Variants in SHC4 observed in about 807,000 individuals in gnomAD.
The protein encoded by SHC4 is SHC-transforming protein 4.
A neutral mutation model predicts 69.4 loss-of-function variants in SHC4; 41 were observed. The ratio of observed to expected loss-of-function variants is 0.59; its 90% CI spans 0.46 to 0.77. SHC4 has a LOEUF of 0.77. Among genes scored for constraint, SHC4 ranks in the 30% least tolerant of loss-of-function variants. The pLI is 0.00. For synonymous variants in SHC4, 318 were observed against 299.3 expected, an observed-to-expected ratio of 1.06 and a Z score of -0.64; for missense variants, 777 against 783.8, an observed-to-expected ratio of 0.99 and a Z score of 0.10.
intron 1 of SHC4, among the ~76,000 whole-genome samples, chr15:48,938,943 C>T (rs1267470100): frequency 1.3e-5 from 2 of 152,186 alleles, no homozygotes; most frequent in Non-Finnish European, 2.9e-5. Context: ...GGACAAATAA[C>T]TTTAATTCTC....
At chr15:48,834,675 T>C in intron 11 of SHC4, 94 bp downstream of exon 11, 1 of 1,525,378 alleles carries the variant, frequency 6.6e-7, no homozygotes, top group Non-Finnish European at 8.9e-7. Context: ...ATACTTAGCC[T>C]TGAGCACTAT....
intron 1 of SHC4, among the ~76,000 whole-genome samples, chr15:48,934,434 C>A (rs187420082): frequency 3.4e-4 from 51 of 152,180 alleles, no homozygotes; most frequent in African/African-American, 1.2e-3. Flanking sequence ...TACAAACCAG[C>A]AAACTGAAAA....
intron 9 of SHC4, among the ~76,000 whole-genome samples, chr15:48,849,427 T>A (rs1049174711): frequency 3.3e-5 from 5 of 152,208 alleles, no homozygotes; most frequent in Admixed American, 2.0e-4. Flanking sequence ...GAAACACTCT[T>A]CATATTTGTA....
intron 1 of SHC4, among the ~76,000 whole-genome samples, chr15:48,961,600 A>G (rs546709986): frequency 3.9e-4 from 59 of 152,338 alleles, no homozygotes; most frequent in African/African-American, 1.4e-3. Flanking sequence ...CCCCATGTGA[A>G]TGAATCCCAG....
intron 8 of SHC4, among the ~76,000 whole-genome samples, chr15:48,853,131 G>T (rs1300052833): frequency 6.6e-6 from 1 of 151,748 alleles, no homozygotes; most frequent in African/African-American, 2.4e-5. Flanking sequence ...CTTCAATAAA[G>T]TTTCGGGACA....
rs1175637916 is a variant in SHC4, at chr15:48,878,556, C to T, written c.840+5692G>A. 1.2e-6 allele frequency: 2 copies of T among 1,614,074 alleles called. No homozygotes were observed. The highest frequency in any genetic ancestry group is 1.7e-6 in the Non-Finnish European group (2 of 1,179,910). On this transcript the variant is annotated intron_variant, in intron 4 of 11. Transcript: ENST00000332408. ...GGTGCCGGCTACAGAGTATCAGCCG[C>T]TCTTGAAGAAGCCGACAAGATGTTT...
At chr15:48,909,458 A>C (rs1015900172) in intron 2 of SHC4, among the ~76,000 whole-genome samples, 1 of 152,126 alleles carries the variant, frequency 6.6e-6, no homozygotes, top group Non-Finnish European at 1.5e-5. Context: ...AGGAGTCTTT[A>C]AGGTTTTCAA....
intron 1 of SHC4, among the ~76,000 whole-genome samples, chr15:48,931,038 C>T (rs977334636): frequency 9.8e-5 from 15 of 152,336 alleles, no homozygotes; most frequent in Non-Finnish European, 1.9e-4. Context: ...CTACCGCTGT[C>T]GACCTTTACT....
chr15:48,878,586 G>T, intron 4 of SHC4: 1 of 1,614,064 alleles, frequency 6.2e-7, no homozygotes, highest in Non-Finnish European at 8.5e-7. Context: ...ATGTTTCTGA[G>T]AACAAGAGAA....
chr15:48,851,679 C>A (rs1221386564), intron 8 of SHC4, among the ~76,000 whole-genome samples: 1 of 152,208 alleles, frequency 6.6e-6, no homozygotes, highest in African/African-American at 2.4e-5. Flanking sequence ...TCACGTCTCA[C>A]CCTTGAAAAT....
intron 2 of SHC4, among the ~76,000 whole-genome samples, chr15:48,919,786 C>G (rs1900708797): frequency 6.6e-6 from 1 of 152,100 alleles, no homozygotes; most frequent in African/African-American, 2.4e-5. Flanking sequence ...AAGTAAAAGA[C>G]CATCACACTC....
At chr15:48,926,701 G>T (rs186970365) in intron 1 of SHC4, among the ~76,000 whole-genome samples, 12 of 152,088 alleles carry the variant, frequency 7.9e-5, no homozygotes, top group Non-Finnish European at 1.2e-4. Flanking sequence ...GACCTTAAGC[G>T]ATCTGCCCAC....
intron 1 of SHC4, among the ~76,000 whole-genome samples, chr15:48,958,272 G>A (rs1901486498): frequency 6.6e-6 from 1 of 152,196 alleles, no homozygotes; most frequent in Non-Finnish European, 1.5e-5. Flanking sequence ...TCTCATCTAC[G>A]CTACTCCATT....
chr15:48,885,658 C>T (rs1378510214), intron 3 of SHC4, among the ~76,000 whole-genome samples: 1 of 152,192 alleles, frequency 6.6e-6, no homozygotes, highest in Non-Finnish European at 1.5e-5. Flanking sequence ...ATATTACTCT[C>T]ATTTGATTCA....
intron 2 of SHC4, among the ~76,000 whole-genome samples, chr15:48,917,225 T>G (rs1900640222): frequency 6.7e-6 from 1 of 148,998 alleles, no homozygotes; most frequent in Non-Finnish European, 1.5e-5. Flanking sequence ...GAGCTTTAAG[T>G]TTTAGTGACC....
intron 1 of SHC4, among the ~76,000 whole-genome samples, chr15:48,953,302 A>G (rs995483999): frequency 6.6e-6 from 1 of 152,182 alleles, no homozygotes; most frequent in Admixed American, 6.5e-5. Context: ...GGATTAGGAA[A>G]AATAACTAAT....
intron 4 of SHC4, among the ~76,000 whole-genome samples, chr15:48,873,830 A>G (rs1447073281): frequency 6.6e-6 from 1 of 152,246 alleles, no homozygotes; most frequent in Non-Finnish European, 1.5e-5. Flanking sequence ...AAAACTAATA[A>G]GAATCATGTA....
At chr15:48,951,255 C>T (rs138593467) in intron 1 of SHC4, among the ~76,000 whole-genome samples, 26 of 152,172 alleles carry the variant, frequency 1.7e-4, no homozygotes, top group Admixed American at 5.9e-4. Flanking sequence ...CTTCCTACCC[C>T]CTCACTTTCC....
intron 2 of SHC4, among the ~76,000 whole-genome samples, chr15:48,908,553 A>G (rs1260235707): frequency 6.6e-6 from 1 of 152,098 alleles, no homozygotes; most frequent in Non-Finnish European, 1.5e-5. Flanking sequence ...TCTTTAGTTT[A>G]ATTAGGTCCC....
Sources: allele counts gnomAD v4.1 joint callset (sites outside exome capture counted in the v4.1 genomes callset), GRCh38; gene constraint gnomAD v4.1.1; transcripts MANE v1.5; gene names NCBI Gene and HGNC (gene_info 2026-07-23, HGNC 2026-07-21).